NKAIN2: variants seen among roughly 807,000 people sequenced by gnomAD.
NKAIN2 encodes sodium/potassium transporting ATPase interacting 2.
A neutral mutation model predicts 32.6 loss-of-function variants in NKAIN2; 14 were observed. That is an observed-to-expected ratio of 0.43 (90% CI 0.28 to 0.67). NKAIN2 has a LOEUF of 0.67. NKAIN2 is among the 30% of genes least tolerant of loss of function. The probability of loss-of-function intolerance (pLI) is 0.17; values close to 1 mark genes in which losing one functional copy is unlikely to be tolerated. For missense variants in NKAIN2, 198 were observed against 258.3 expected (o/e 0.77, Z 1.60); for synonymous variants, 80 against 87.2 (o/e 0.92, Z 0.46).
intron 4 of NKAIN2, among the ~76,000 whole-genome samples, chr6:124,700,023 A>G (rs1442591858): frequency 6.6e-6 from 1 of 152,208 alleles, no homozygotes; most frequent in Non-Finnish European, 1.5e-5. Flanking sequence ...AAGATTTAGA[A>G]TCCAGCAGAA....
intron 1 of NKAIN2, among the ~76,000 whole-genome samples, chr6:124,045,563 A>T (rs1435219284): frequency 1.3e-5 from 2 of 152,008 alleles, no homozygotes; most frequent in African/African-American, 4.8e-5. Flanking sequence ...TGTATGAAAG[A>T]TCAGTGAAAT....
intron 1 of NKAIN2, among the ~76,000 whole-genome samples, chr6:124,253,724 G>C (rs1205419289): frequency 6.6e-6 from 1 of 151,482 alleles, no homozygotes; most frequent in Non-Finnish European, 1.5e-5. Flanking sequence ...TAGCATACCT[G>C]TTATTTTCCC....
At chr6:124,592,357 G>A (rs886471405) in intron 3 of NKAIN2, among the ~76,000 whole-genome samples, 1 of 152,144 alleles carries the variant, frequency 6.6e-6, no homozygotes, top group Non-Finnish European at 1.5e-5. Flanking sequence ...ATATTTCAGA[G>A]GGGGTTTACA....
At chr6:124,677,545 A>C (rs1469153705) in intron 4 of NKAIN2, among the ~76,000 whole-genome samples, 2 of 152,188 alleles carry the variant, frequency 1.3e-5, no homozygotes, top group Non-Finnish European at 2.9e-5. Context: ...TTAAAACATC[A>C]TATAGGTAAA....
intron 1 of NKAIN2, among the ~76,000 whole-genome samples, chr6:123,899,508 C>A (rs1161989847): frequency 6.6e-6 from 1 of 152,172 alleles, no homozygotes; most frequent in Non-Finnish European, 1.5e-5. Flanking sequence ...TAATTTACCT[C>A]ACAAGCCAAC....
At chr6:124,422,445 C>T (rs1309494598) in intron 3 of NKAIN2, among the ~76,000 whole-genome samples, 1 of 152,126 alleles carries the variant, frequency 6.6e-6, no homozygotes. Flanking sequence ...TTGTTAGCGT[C>T]TTTGGCTATT....
intron 3 of NKAIN2, among the ~76,000 whole-genome samples, chr6:124,609,204 T>C (rs1782602236): frequency 1.3e-5 from 2 of 152,136 alleles, no homozygotes; most frequent in Admixed American, 1.3e-4. Flanking sequence ...ATGTAAATGA[T>C]TTGGTGAAAA....
At chr6:124,744,582 G>T (rs1777370739) in intron 4 of NKAIN2, among the ~76,000 whole-genome samples, 1 of 151,590 alleles carries the variant, frequency 6.6e-6, no homozygotes, top group Non-Finnish European at 1.5e-5. Flanking sequence ...CCCGTGTAGT[G>T]AACACCAGAT....
chr6:123,847,440 C>T lies in NKAIN2; in HGVS notation c.54+43186C>T, dbSNP rs531577734. ...TCAAACCAAGTGGCATGTATCCCGG[C>T]GGATGGAACTTTCTGCTTGGAATTA... On this transcript the variant is annotated intron_variant, in intron 1 of 6. Transcript: ENST00000368417. Among the ~76,000 whole-genome samples the T allele has an allele frequency of 1.8e-4, 27 of 152,166 alleles. No homozygotes were observed. The East Asian group carries it at 3.1e-3, about 18-fold the overall frequency.
chr6:124,037,560 T>C (rs1042665076), intron 1 of NKAIN2, among the ~76,000 whole-genome samples: 3 of 152,146 alleles, frequency 2.0e-5, no homozygotes, highest in African/African-American at 7.2e-5. Flanking sequence ...TTAAATTCGG[T>C]CATGGAATCA....
intron 1 of NKAIN2, among the ~76,000 whole-genome samples, chr6:124,005,046 G>C (rs1372470678): frequency 6.6e-6 from 1 of 151,978 alleles, no homozygotes; most frequent in Non-Finnish European, 1.5e-5. Context: ...TCAAGATAGT[G>C]AAACCCTGTC....
intron 3 of NKAIN2, among the ~76,000 whole-genome samples, chr6:124,613,770 C>A (rs1562284504): frequency 6.6e-6 from 1 of 152,114 alleles, no homozygotes; most frequent in African/African-American, 2.4e-5. Flanking sequence ...TATTCAATTT[C>A]TTTTTTTCAT....
At chr6:124,375,868 C>A (rs1166648935) in intron 3 of NKAIN2, among the ~76,000 whole-genome samples, 1 of 152,062 alleles carries the variant, frequency 6.6e-6, no homozygotes, top group African/African-American at 2.4e-5. Context: ...GGCTCAAAAA[C>A]TCTTAATCAA....
intron 3 of NKAIN2, among the ~76,000 whole-genome samples, chr6:124,419,951 T>C (rs927318422): frequency 1.3e-5 from 2 of 152,096 alleles, no homozygotes; most frequent in African/African-American, 4.8e-5. Context: ...TCCTTTTTTT[T>C]CCCGGAATAT....
chr6:124,010,863 A>G (rs958633923), intron 1 of NKAIN2, among the ~76,000 whole-genome samples: 2 of 152,112 alleles, frequency 1.3e-5, no homozygotes, highest in Non-Finnish European at 2.9e-5. Flanking sequence ...AATGGCAAGG[A>G]CTGGGGTTTT....
chr6:124,529,062 T>G (rs776190377), intron 3 of NKAIN2, among the ~76,000 whole-genome samples: 1 of 152,218 alleles, frequency 6.6e-6, no homozygotes, highest in Non-Finnish European at 1.5e-5. Context: ...ATTATAATTT[T>G]CTTTGACTCA....
chr6:124,455,621 A>C (rs1776289857), intron 3 of NKAIN2, among the ~76,000 whole-genome samples: 1 of 151,798 alleles, frequency 6.6e-6, no homozygotes, highest in African/African-American at 2.4e-5. Context: ...AATTATTAAT[A>C]TTTTTATTAA....
chr6:124,094,132 G>A (rs1198178489), intron 1 of NKAIN2, among the ~76,000 whole-genome samples: 3 of 152,066 alleles, frequency 2.0e-5, no homozygotes, highest in African/African-American at 7.2e-5. Context: ...TAACAATGCA[G>A]CTTTAAGATA....
Position 124,398,221 on chromosome 6 carries a change from C to T in NKAIN2, c.273+42874C>T, listed in dbSNP as rs557270715. On this transcript the variant is annotated intron_variant, in intron 3 of 6. Coordinates refer to ENST00000368417, the MANE Select transcript of NKAIN2 (RefSeq NM_001040214.3). The stretch of plus-strand genomic sequence containing the variant: ...TGAGCCGAGATCGCGCCACTGCACT[C>T]CAGCCTGGGTGACAGAGAGAGACTG... Among the ~76,000 whole-genome samples, 68 of 120,818 alleles carry T rather than the reference C, an allele frequency of 5.6e-4. 1 individual carries two copies. The highest frequency in any genetic ancestry group is 1.1e-3 in the Non-Finnish European group (61 of 57,976). The allele number at this position is 120,818 out of a possible 152,430, so 79.3% of individuals were successfully genotyped here.
Sources: gnomAD v4.1 joint callset for allele counts (sites outside exome capture counted in the v4.1 genomes callset) on GRCh38, gnomAD v4.1.1 for gene constraint, MANE v1.5 for transcripts, NCBI Gene and HGNC (gene_info 2026-07-23, HGNC 2026-07-21) for gene names.